PPM1D: variants seen among roughly 807,000 people sequenced by gnomAD.
PPM1D encodes the protein protein phosphatase, Mg2+/Mn2+ dependent 1D, also known as protein phosphatase 1D.
In PPM1D, 52 loss-of-function variants were observed where a neutral mutation model predicts 58.3. That is an observed-to-expected ratio of 0.89 (90% confidence interval 0.71 to 1.12). PPM1D has a LOEUF of 1.12. PPM1D is among the 50% of genes most tolerant of loss of function. PPM1D has a pLI of 0.00. For synonymous variants in PPM1D, 278 were observed against 285.1 expected (o/e 0.98, Z 0.25); for missense variants, 564 against 777.2 (o/e 0.73, Z 3.26).
At position 60,608,372 on chromosome 17, in the gene PPM1D, C is replaced by T. The variant is rs182059644; in HGVS notation, c.472+7486C>T. Among the ~76,000 whole-genome samples the T allele has an allele frequency of 4.7e-3, 709 of 152,148 alleles. 2 individuals carry two copies. Among genetic ancestry groups the T allele is most frequent in the Middle Eastern group, 0.024 (7 of 292 alleles). ...CCATAACTCAGCTTAAAAAATAAAA[C>T]ATTACCAGGCCGGGCATGGTGGCTC... On this transcript the variant is annotated intron_variant, in intron 1 of 5. Coordinates refer to ENST00000305921, the MANE Select transcript of PPM1D (RefSeq NM_003620.4).
intron 5 of PPM1D, among the ~76,000 whole-genome samples, chr17:60,657,859 C>A (rs1301652909): frequency 1.3e-5 from 2 of 152,138 alleles, no homozygotes; most frequent in African/African-American, 4.8e-5. Context: ...CCTGCCTCAG[C>A]CTCCCAAGTA....
rs1425948793 is a variant in PPM1D at position 60,600,432 on chromosome 17, G to T, written c.18G>T (p.Ser6=). 1 of 1,553,120 alleles carries T rather than the reference G, an allele frequency of 6.4e-7. No individual in the cohort carries two copies. Residue 6 remains serine (S), a synonymous_variant, in exon 1 of 6, where the codon TCG becomes TCT. Transcript: ENST00000305921. The part of the protein sequence containing the change: MAGLY[S]LGVSVFSDQG... ...AGCCGGCCATGGCGGGGCTGTACTCGCTGGGAGTGAGCGTCTTCTCCGACC... is the reference window on the plus strand; with the variant it reads ...AGCCGGCCATGGCGGGGCTGTACTCTCTGGGAGTGAGCGTCTTCTCCGACC...
At position 60,647,996 on chromosome 17, in the gene PPM1D, T is replaced by C. The variant is rs147519427; in HGVS notation, c.931T>C (p.Leu311=). Residue 311 remains leucine, a synonymous_variant, in exon 4 of 6, where the codon TTG becomes CTG. Transcript: ENST00000305921. ...CCCTCAGAAGCACAAGTATATTATA[T>C]TGGGGAGTGATGGACTTTGGAATAT... ...LDPQKHKYII[L]GSDGLWNMIP... 81 of 1,613,876 alleles carry C rather than the reference T, an allele frequency of 5.0e-5. No individual in the cohort carries two copies. The highest frequency in any genetic ancestry group is 6.7e-5 in the Admixed American group (4 of 59,944).
At chr17:60,650,165 G>C (rs2031317202) in intron 4 of PPM1D, among the ~76,000 whole-genome samples, 1 of 152,204 alleles carries the variant, frequency 6.6e-6, no homozygotes, top group Non-Finnish European at 1.5e-5. Context: ...TCACAAGACT[G>C]CATAGGAAGC....
intron 1 of PPM1D, among the ~76,000 whole-genome samples, chr17:60,621,792 G>C (rs1474683672): frequency 6.8e-6 from 1 of 147,664 alleles, no homozygotes; most frequent in Non-Finnish European, 1.5e-5. Flanking sequence ...GGATGGTCTC[G>C]ATCTCCTGAC....
chr17:60,624,085 G>T (rs2143656141), intron 2 of PPM1D, among the ~76,000 whole-genome samples: 1 of 152,252 alleles, frequency 6.6e-6, no homozygotes, highest in Non-Finnish European at 1.5e-5. Flanking sequence ...TTTGAATCTG[G>T]CTGGGGGAAA....
chr17:60,607,305 G>A (rs1429938506), intron 1 of PPM1D, among the ~76,000 whole-genome samples: 5 of 151,636 alleles, frequency 3.3e-5, no homozygotes, highest in African/African-American at 7.3e-5. Flanking sequence ...TTTTTGAGAC[G>A]GAGTTTTGCT....
chr17:60,640,052 C>G (rs887062144), intron 3 of PPM1D, among the ~76,000 whole-genome samples: 12 of 152,172 alleles, frequency 7.9e-5, no homozygotes, highest in Non-Finnish European at 1.6e-4. Context: ...GATGTGGTGG[C>G]TCACACCCAT....
At chr17:60,612,463 G>A (rs762457432) in intron 1 of PPM1D, among the ~76,000 whole-genome samples, 7 of 152,170 alleles carry the variant, frequency 4.6e-5, no homozygotes, top group Non-Finnish European at 1.0e-4. Flanking sequence ...CTGTATGCAG[G>A]TGGTATGGTA....
intron 1 of PPM1D, among the ~76,000 whole-genome samples, chr17:60,618,079 C>T (rs549189078): frequency 7.2e-5 from 11 of 152,320 alleles, no homozygotes; most frequent in Middle Eastern, 3.4e-3. Flanking sequence ...TTGTGAGATT[C>T]TTGTGTGCTT....
At chr17:60,662,778 T>A (rs955365173) in intron 5 of PPM1D, among the ~76,000 whole-genome samples, 3 of 152,200 alleles carry the variant, frequency 2.0e-5, no homozygotes, top group African/African-American at 7.2e-5. Flanking sequence ...GAAGACAGAA[T>A]TCAATGTCAT....
intron 1 of PPM1D, among the ~76,000 whole-genome samples, chr17:60,602,212 T>TATTGTA (rs2030229370): frequency 6.6e-6 from 1 of 152,182 alleles, no homozygotes; most frequent in African/African-American, 2.4e-5. Context: ...ACCGTAGAGC[T>TATTGTA]GAAAGCACTG....
At position 60,663,800 on chromosome 17, in the gene PPM1D, A is replaced by G; in HGVS notation, c.*248A>G. The G allele has an allele frequency of 2.2e-6, 1 of 450,574 alleles. No individual in the cohort carries two copies. The highest frequency in any genetic ancestry group is 2.7e-5 in the South Asian group (1 of 37,464). 27.9% of individuals were successfully genotyped at this position (450,574 alleles called of 1,614,324 possible). On this transcript the variant is annotated 3_prime_UTR_variant, in exon 6 of 6. Coordinates refer to ENST00000305921, the MANE Select transcript of PPM1D (RefSeq NM_003620.4). Reference sequence around the variant, plus strand: ...GTATCCACACAAATTCAGTCTCTGAATACACAGTATTCAGAGTCTCTGATA... The same window carrying G: ...GTATCCACACAAATTCAGTCTCTGAGTACACAGTATTCAGAGTCTCTGATA...
chr17:60,633,246 T>C (rs1177687066), intron 2 of PPM1D, among the ~76,000 whole-genome samples: 1 of 152,114 alleles, frequency 6.6e-6, no homozygotes, highest in Non-Finnish European at 1.5e-5. Context: ...GATCACACCA[T>C]TGTGCTCCAG....
chr17:60,656,305 T>C (rs575014379), intron 4 of PPM1D, among the ~76,000 whole-genome samples: 1 of 151,160 alleles, frequency 6.6e-6, no homozygotes, highest in East Asian at 2.0e-4. Flanking sequence ...TACAAAAAAT[T>C]AGCCGGCCAT....
chr17:60,642,399 C>T (rs529706320), intron 3 of PPM1D, among the ~76,000 whole-genome samples: 1 of 134,394 alleles, frequency 7.4e-6, no homozygotes. Context: ...TTTAATTGGG[C>T]AATGAACGAT....
intron 3 of PPM1D, among the ~76,000 whole-genome samples, chr17:60,642,682 C>G (rs1339826064): frequency 6.6e-6 from 1 of 151,836 alleles, no homozygotes; most frequent in Non-Finnish European, 1.5e-5. Context: ...TGGTCTAAAT[C>G]TCTTGACCTC....
chr17:60,638,218 G>A (rs1011315205), intron 3 of PPM1D, among the ~76,000 whole-genome samples: 5 of 152,048 alleles, frequency 3.3e-5, no homozygotes, highest in East Asian at 3.8e-4. Flanking sequence ...AGAGAAAATC[G>A]TTTTAGTGAT....
chr17:60,608,003 G>A (rs1453632033), intron 1 of PPM1D, among the ~76,000 whole-genome samples: 1 of 152,186 alleles, frequency 6.6e-6, no homozygotes, highest in Non-Finnish European at 1.5e-5. Flanking sequence ...ATTGAATTTG[G>A]AGAAACCTCT....
Sources: gnomAD v4.1 joint callset for allele counts (sites outside exome capture counted in the v4.1 genomes callset) on GRCh38, gnomAD v4.1.1 for gene constraint, MANE v1.5 for transcripts, NCBI Gene and HGNC (gene_info 2026-07-23, HGNC 2026-07-21) for gene names.